Variants in UBE2G1 observed in about 807,000 individuals in gnomAD.
UBE2G1 encodes ubiquitin conjugating enzyme E2 G1.
Under a neutral mutation model 22.7 loss-of-function variants are expected in UBE2G1, and 5 were observed. The ratio of observed to expected loss-of-function variants is 0.22; its 90% CI spans 0.12 to 0.46. UBE2G1 has a LOEUF of 0.46. UBE2G1 is among the 20% of genes least tolerant of loss of function. The pLI is 0.99. For missense variants in UBE2G1, 88 were observed against 203.9 expected (o/e 0.43, Z 3.46); for synonymous variants, 74 against 67.5 (o/e 1.10, Z -0.47).
intron 2 of UBE2G1, among the ~76,000 whole-genome samples, chr17:4,305,146 G>GT: frequency 6.6e-6 from 1 of 151,846 alleles, no homozygotes; most frequent in Non-Finnish European, 1.5e-5. Context: ...GTAGAGACAG[G>GT]GTTTCTCCAT....
At chr17:4,319,064 A>C (rs1009203471) in intron 1 of UBE2G1, among the ~76,000 whole-genome samples, 3 of 152,212 alleles carry the variant, frequency 2.0e-5, no homozygotes, top group South Asian at 4.1e-4. Context: ...TGAAAAGATA[A>C]ATAGTTATTT....
chr17:4,327,124 C>T (rs1567524144), intron 1 of UBE2G1, among the ~76,000 whole-genome samples: 1 of 152,044 alleles, frequency 6.6e-6, no homozygotes, highest in African/African-American at 2.4e-5. Context: ...GGCAAAACCC[C>T]GTCTCTACCA....
intron 5 of UBE2G1, among the ~76,000 whole-genome samples, chr17:4,281,335 G>A (rs370883191): frequency 6.6e-6 from 1 of 152,164 alleles, no homozygotes; most frequent in East Asian, 1.9e-4. Flanking sequence ...GAAATACATT[G>A]TTTAAACATG....
At chr17:4,315,013 T>C (rs1969349729) in intron 1 of UBE2G1, among the ~76,000 whole-genome samples, 1 of 152,200 alleles carries the variant, frequency 6.6e-6, no homozygotes, top group South Asian at 2.1e-4. Flanking sequence ...TTAGACAATA[T>C]CCAGAAATTG....
chr17:4,308,669 C>A (rs1036466630), intron 1 of UBE2G1, among the ~76,000 whole-genome samples: 4 of 152,240 alleles, frequency 2.6e-5, no homozygotes, highest in Admixed American at 2.6e-4. Context: ...ACTGAGTACT[C>A]ATTGGCTCAA....
intron 1 of UBE2G1, among the ~76,000 whole-genome samples, chr17:4,337,122 C>G (rs954432492): frequency 2.0e-5 from 3 of 151,900 alleles, no homozygotes; most frequent in Non-Finnish European, 2.9e-5. Flanking sequence ...TAGAAAATAA[C>G]AATGATAAAA....
chr17:4,321,809 G>C (rs1050413152), intron 1 of UBE2G1, among the ~76,000 whole-genome samples: 2 of 152,062 alleles, frequency 1.3e-5, no homozygotes, highest in African/African-American at 4.8e-5. Flanking sequence ...ATTACTTAGA[G>C]TCTAAGGGAT....
chr17:4,284,462 A>G (rs1175789712), intron 4 of UBE2G1, among the ~76,000 whole-genome samples: 5 of 151,656 alleles, frequency 3.3e-5, no homozygotes, highest in Non-Finnish European at 7.4e-5. Flanking sequence ...TTAGCCAGGC[A>G]TGGTGGCACG....
At chr17:4,294,450 G>GAAA (rs1969084279) in intron 3 of UBE2G1, among the ~76,000 whole-genome samples, 1 of 67,590 alleles carries the variant, frequency 1.5e-5, no homozygotes, top group African/African-American at 6.5e-5. Flanking sequence ...AGAAAGAAAC[G>GAAA]AAAAGAAAAG....
chr17:4,363,762 C>T (rs1182306192), intron 1 of UBE2G1, among the ~76,000 whole-genome samples: 2 of 151,646 alleles, frequency 1.3e-5, no homozygotes, highest in African/African-American at 4.8e-5. Flanking sequence ...ACCATCCTGG[C>T]TAACACAGTG....
At chr17:4,325,311 C>T (rs1969492811) in intron 1 of UBE2G1, among the ~76,000 whole-genome samples, 1 of 152,136 alleles carries the variant, frequency 6.6e-6, no homozygotes, top group African/African-American at 2.4e-5. Flanking sequence ...TGTAGTCCAT[C>T]AGTCATAACT....
intron 2 of UBE2G1, among the ~76,000 whole-genome samples, chr17:4,302,908 A>T (rs1200415683): frequency 2.0e-5 from 3 of 152,210 alleles, no homozygotes; most frequent in African/African-American, 7.2e-5. Context: ...AGAATTCTAC[A>T]AAAGGCCAAC....
chr17:4,300,087 CT>C (rs35118148), intron 2 of UBE2G1, among the ~76,000 whole-genome samples: 5 of 146,570 alleles, frequency 3.4e-5, no homozygotes, highest in South Asian at 2.1e-4. Context: ...GGCCTACCTG[CT>C]TTTTTTTTTT....
chr17:4,297,236 T>C (rs745521989), intron 2 of UBE2G1, among the ~76,000 whole-genome samples: 2 of 152,244 alleles, frequency 1.3e-5, no homozygotes, highest in African/African-American at 2.4e-5. Flanking sequence ...TCAAAACTTA[T>C]GGACATTTTC....
intron 2 of UBE2G1, among the ~76,000 whole-genome samples, chr17:4,300,946 A>AAAAAG (rs796280810): frequency 6.6e-6 from 1 of 151,518 alleles, no homozygotes; most frequent in African/African-American, 2.4e-5. Flanking sequence ...ACAAAAAAAA[A>AAAAAG]AGAGAGAGAG....
At chr17:4,293,357 C>A (rs1336542453) in intron 3 of UBE2G1, among the ~76,000 whole-genome samples, 3 of 152,136 alleles carry the variant, frequency 2.0e-5, no homozygotes, top group Non-Finnish European at 4.4e-5. Context: ...TCATGTAATT[C>A]ATTTCTTTTT....
rs549195322 is a variant in UBE2G1 at position 4,301,917 on chromosome 17, C to T, written c.150-5103G>A. On this transcript the variant is annotated intron_variant, in intron 2 of 5. Transcript: ENST00000396981. ...TCGTGGGGTTCTGCTGGTCACACAACCCCTGGGGTCACACTTAAGATTGGG... is the reference window on the plus strand; with the variant it reads ...TCGTGGGGTTCTGCTGGTCACACAATCCCTGGGGTCACACTTAAGATTGGG... The T allele has an allele frequency of 4.3e-4, 210 of 488,926 alleles. 2 individuals are homozygous for T. Among genetic ancestry groups the T allele is most frequent in the Non-Finnish European group, 1.3e-4 (31 of 245,006 alleles). The allele number at this position is 488,926 out of a possible 1,614,324, so 30.3% of individuals were successfully genotyped here. A position where few individuals can be genotyped will look rare whatever the true frequency, so the allele number is the denominator to read the frequency against.
At chr17:4,283,942 G>T (rs1303553365) in intron 4 of UBE2G1, among the ~76,000 whole-genome samples, 1 of 151,924 alleles carries the variant, frequency 6.6e-6, no homozygotes, top group Non-Finnish European at 1.5e-5. Context: ...GATCACCTGA[G>T]GTCAGGACTT....
Position 4,366,430 on chromosome 17 carries a change from C to T in UBE2G1, c.-114G>A. 8.8e-7 allele frequency: 1 copy of T among 1,132,964 alleles called. No individual in the cohort carries two copies. Among genetic ancestry groups the T allele is most frequent in the Non-Finnish European group, 1.2e-6 (1 of 869,360 alleles). 70.2% of individuals were successfully genotyped at this position (1,132,964 alleles called of 1,614,324 possible). ...AACCCGGGCCCCGCGACCGGAGCGCCGGAGCCGAGGAAGGCCGGGCTGAGG... is the reference window on the plus strand; with the variant it reads ...AACCCGGGCCCCGCGACCGGAGCGCTGGAGCCGAGGAAGGCCGGGCTGAGG... On this transcript the variant is annotated 5_prime_UTR_variant, in exon 1 of 6. Transcript: ENST00000396981.
Sources: gnomAD v4.1 joint callset for allele counts (sites outside exome capture counted in the v4.1 genomes callset) on GRCh38, gnomAD v4.1.1 for gene constraint, MANE v1.5 for transcripts, NCBI Gene and HGNC (gene_info 2026-07-23, HGNC 2026-07-21) for gene names.